TRABD2B: variants seen among roughly 807,000 people sequenced by gnomAD.
The protein encoded by TRABD2B is TraB domain containing 2B.
TRABD2B carries 14 observed loss-of-function variants against 40.1 expected under a neutral mutation model. That is an observed-to-expected ratio of 0.35 (90% CI 0.23 to 0.55). The LOEUF (loss-of-function observed/expected upper bound fraction) is 0.55, where lower values mean the gene tolerates loss of function less well. Ranked by LOEUF, TRABD2B falls within the 20% of genes least tolerant of loss-of-function variation. TRABD2B has a pLI of 0.90. For missense variants in TRABD2B, 541 were observed against 648.6 expected, an observed-to-expected ratio of 0.83 and a Z score of 1.80; for synonymous variants, 263 against 277.0, an observed-to-expected ratio of 0.95 and a Z score of 0.50.
At chr1:47,937,565 G>C (rs960124614) in intron 2 of TRABD2B, among the ~76,000 whole-genome samples, 24 of 152,140 alleles carry the variant, frequency 1.6e-4, no homozygotes, top group African/African-American at 5.3e-4. Flanking sequence ...AAATGGAAGA[G>C]GTTTGTTCAG....
intron 2 of TRABD2B, among the ~76,000 whole-genome samples, chr1:47,937,190 T>C (rs1224484328): frequency 0.013 from 719 of 57,106 alleles, no homozygotes; most frequent in African/African-American, 0.02. Flanking sequence ...TTATCATCAT[T>C]ATCACCATCA....
At chr1:47,870,061 T>C (rs1199696379) in intron 2 of TRABD2B, among the ~76,000 whole-genome samples, 1 of 152,182 alleles carries the variant, frequency 6.6e-6, no homozygotes, top group Non-Finnish European at 1.5e-5. Flanking sequence ...CCTTGAATAA[T>C]GATTGCCTTT....
intron 5 of TRABD2B, among the ~76,000 whole-genome samples, chr1:47,777,970 C>CA (rs1405694783): frequency 6.6e-6 from 1 of 152,106 alleles, no homozygotes; most frequent in African/African-American, 2.4e-5. Flanking sequence ...TATGCCCTGG[C>CA]AGGAAAGTTA....
intron 2 of TRABD2B, among the ~76,000 whole-genome samples, chr1:47,855,898 A>C (rs1643885062): frequency 6.6e-6 from 1 of 152,238 alleles, no homozygotes; most frequent in Non-Finnish European, 1.5e-5. Flanking sequence ...TCCAGAACTA[A>C]GAGAAATCAA....
At chr1:47,973,252 G>A (rs1006866141) in intron 2 of TRABD2B, among the ~76,000 whole-genome samples, 9 of 152,176 alleles carry the variant, frequency 5.9e-5, no homozygotes, top group African/African-American at 1.9e-4. Context: ...GGCAGCCCCC[G>A]CAGCCAGGTC....
At position 47,765,934 on chromosome 1, in the gene TRABD2B, A is replaced by G. The variant is rs1644295879; in HGVS notation, c.1522T>C (p.Cys508Arg). ...GGCCCAAGGCTATGCAGCAGGAAGCAGACAGCGATGGTGGTGGCGATGGCG... is the reference window on the plus strand; with the variant it reads ...GGCCCAAGGCTATGCAGCAGGAAGCGGACAGCGATGGTGGTGGCGATGGCG... ...LPAIATTIAV[C>R]FLLHSLGPS Residue 508 changes from cysteine to arginine, a missense_variant, in exon 7 of 7, where the codon TGC (cysteine) becomes CGC (arginine). Physicochemically the swap from Cys to Arg is radical, Grantham distance 180. This residue lies in a region of TRABD2B where 172 missense variants were observed against 155.8 expected (regional missense o/e 1.10). Transcript: ENST00000606738. The G allele has an allele frequency of 1.4e-6, 1 of 702,992 alleles. No individual in the cohort carries two copies. The allele number at this position is 702,992 out of a possible 1,614,324, so 43.5% of individuals were successfully genotyped here. A position where few individuals can be genotyped will look rare whatever the true frequency, so the allele number is the denominator to read the frequency against.
Position 47,987,320 on chromosome 1 carries a change from G to T in TRABD2B, c.666+6714C>A, listed in dbSNP as rs1022102495. On this transcript the variant is annotated intron_variant, in intron 2 of 6. Coordinates refer to ENST00000606738, the MANE Select transcript of TRABD2B (RefSeq NM_001194986.2). ...TGAGCTGACAATTCTTCAAAGCTAA[G>T]AGGCTAGGATTTCATGAAGTGAAGA... is the stretch of plus-strand genomic sequence containing the variant. Among the ~76,000 whole-genome samples, 4 of 152,284 alleles carry T rather than the reference G, an allele frequency of 2.6e-5. No individual in the cohort carries two copies. The East Asian group carries it at 7.7e-4, about 29-fold the overall frequency.
chr1:47,773,249 G>A (rs912418332), intron 6 of TRABD2B, among the ~76,000 whole-genome samples: 1 of 152,234 alleles, frequency 6.6e-6, no homozygotes, highest in Non-Finnish European at 1.5e-5. Flanking sequence ...CTCCCTGGCA[G>A]CTTGCAAACC....
intron 5 of TRABD2B, 36 bp downstream of exon 5, chr1:47,778,418 T>C: frequency 6.9e-7 from 1 of 1,458,000 alleles, no homozygotes; most frequent in East Asian, 2.5e-5. Context: ...GAAGGCAGGG[T>C]CAGTGAGGGC....
At chr1:47,836,434 T>C (rs571048168) in intron 2 of TRABD2B, among the ~76,000 whole-genome samples, 1 of 152,352 alleles carries the variant, frequency 6.6e-6, no homozygotes, top group Non-Finnish European at 1.5e-5. Flanking sequence ...ATCATTCAAC[T>C]TCTCAGGGCC....
At chr1:47,973,441 T>A (rs991147649) in intron 2 of TRABD2B, among the ~76,000 whole-genome samples, 1 of 152,228 alleles carries the variant, frequency 6.6e-6, no homozygotes, top group African/African-American at 2.4e-5. Context: ...ACTAACAATG[T>A]TGCCAACAAA....
chr1:47,895,860 G>A (rs956824930), intron 2 of TRABD2B, among the ~76,000 whole-genome samples: 1 of 152,220 alleles, frequency 6.6e-6, no homozygotes, highest in African/African-American at 2.4e-5. Flanking sequence ...CCACTCCCAG[G>A]CCTGCCTCCT....
intron 2 of TRABD2B, among the ~76,000 whole-genome samples, chr1:47,834,571 A>ACG (rs1557601894): frequency 3.9e-5 from 5 of 129,640 alleles, no homozygotes; most frequent in African/African-American, 1.5e-4. Context: ...CAACACACAC[A>ACG]CACACGCGCA....
At chr1:47,889,693 C>T (rs1225977244) in intron 2 of TRABD2B, among the ~76,000 whole-genome samples, 1 of 152,204 alleles carries the variant, frequency 6.6e-6, no homozygotes, top group Non-Finnish European at 1.5e-5. Context: ...CTCCAGGTAT[C>T]TAGAATCCTG....
intron 2 of TRABD2B, among the ~76,000 whole-genome samples, chr1:47,977,110 T>C (rs1308091137): frequency 6.6e-6 from 1 of 151,554 alleles, no homozygotes; most frequent in Non-Finnish European, 1.5e-5. Flanking sequence ...TCTTGCTCTG[T>C]TGCTCAGGCT....
intron 2 of TRABD2B, chr1:47,819,564 TTGGGGCCTGG>T (rs1436872828): frequency 6.6e-6 from 1 of 152,136 alleles, no homozygotes; most frequent in Non-Finnish European, 1.5e-5. Flanking sequence ...CAGATGGAAT[TTGGGGCCTGG>T]TGTGGACACG....
intron 6 of TRABD2B, among the ~76,000 whole-genome samples, chr1:47,769,942 AG>A (rs1472572204): frequency 6.6e-6 from 1 of 152,240 alleles, no homozygotes; most frequent in East Asian, 1.9e-4. Context: ...GCGAGATCTT[AG>A]GTGGAAGCCC....
chr1:47,854,827 A>G (rs958204663), intron 2 of TRABD2B, among the ~76,000 whole-genome samples: 2 of 150,906 alleles, frequency 1.3e-5, no homozygotes, highest in African/African-American at 5.0e-5. Context: ...ATTTTATTTA[A>G]AAAGGCAGCT....
At chr1:47,790,442 G>T (rs2124186937) in intron 4 of TRABD2B, among the ~76,000 whole-genome samples, 1 of 152,284 alleles carries the variant, frequency 6.6e-6, no homozygotes, top group South Asian at 2.1e-4. Context: ...CCTGCTCAAG[G>T]TTGTCACACA....
Sources: gnomAD v4.1 joint callset for allele counts (sites outside exome capture counted in the v4.1 genomes callset) on GRCh38, gnomAD v4.1.1 for gene constraint, gnomAD v4.1.1 regional missense constraint, MANE v1.5 for transcripts, NCBI Gene and HGNC (gene_info 2026-07-23, HGNC 2026-07-21) for gene names.